Variants in ANKRD39 observed in about 807,000 individuals in gnomAD.
ANKRD39 encodes the protein ankyrin repeat domain 39, also known as ankyrin repeat domain-containing protein 39.
In ANKRD39, 18 loss-of-function variants were observed where a neutral mutation model predicts 20.3. That is an observed-to-expected ratio of 0.89 (90% CI 0.61 to 1.32). The LOEUF (loss-of-function observed/expected upper bound fraction) is 1.32, where lower values mean the gene tolerates loss of function less well. Among genes scored for constraint, ANKRD39 ranks in the 40% most tolerant of loss-of-function variants. The pLI, the probability that ANKRD39 is intolerant of heterozygous loss-of-function variation, is 0.00. For missense variants in ANKRD39, 243 were observed against 250.7 expected (o/e 0.97, Z 0.21); for synonymous variants, 106 against 111.9 (o/e 0.95, Z 0.33).
chr2:96,848,478 C>A (rs180811750), intron 3 of ANKRD39, 34 bp from the exon 4 acceptor site: 1 of 1,609,574 alleles, frequency 6.2e-7, no homozygotes, highest in South Asian at 1.1e-5. Flanking sequence ...AAAGGGCATA[C>A]CCCCCCACTG....
intron 1 of ANKRD39, 117 bp downstream of exon 1, chr2:96,857,771 C>T: frequency 1.9e-6 from 2 of 1,068,740 alleles, no homozygotes; most frequent in Non-Finnish European, 2.7e-6. Context: ...CCGCACCAGG[C>T]CCCAAGCCCC....
chr2:96,857,774 C>G, intron 1 of ANKRD39, 114 bp downstream of exon 1: 2 of 1,131,698 alleles, frequency 1.8e-6, no homozygotes, highest in African/African-American at 1.6e-5. Context: ...CACCAGGCCC[C>G]AAGCCCCAAG....
intron 3 of ANKRD39, among the ~76,000 whole-genome samples, chr2:96,850,310 G>C (rs544976295): frequency 6.2e-4 from 94 of 152,306 alleles, no homozygotes; most frequent in African/African-American, 2.1e-3. Flanking sequence ...GCAGTTGTGA[G>C]ATGCATCCCA....
chr2:96,852,524 A>C (rs1016306487), intron 3 of ANKRD39, among the ~76,000 whole-genome samples: 4 of 150,824 alleles, frequency 2.7e-5, no homozygotes, highest in African/African-American at 9.7e-5. Context: ...AAAAAAAAAA[A>C]AAAAAACCTG....
intron 1 of ANKRD39, among the ~76,000 whole-genome samples, chr2:96,855,108 G>C (rs1464717497): frequency 6.6e-6 from 1 of 152,196 alleles, no homozygotes; most frequent in Non-Finnish European, 1.5e-5. Context: ...GGGGAGTTCA[G>C]GGTGGCATGG....
Position 96,853,534 on chromosome 2 carries a change from G to A in ANKRD39, c.275C>T (p.Ala92Val), listed in dbSNP as rs541148325. The A allele has an allele frequency of 1.2e-6, 2 of 1,613,238 alleles. No homozygotes were observed. The highest frequency in any genetic ancestry group is 2.7e-5 in the African/African-American group (2 of 75,026). The change falls in exon 3 of 4, where the codon GCC becomes GTC. Residue 92 changes from alanine to valine, a missense_variant. Transcript: ENST00000393537. The part of the protein sequence containing the change: ...FLLESGAKCD[A>V]QTHGGATALH... Reference sequence around the variant, plus strand: ...AGCAGTGGCACCCCCGTGGGTCTGGGCATCACACTTAGCTCCGCTTTCCAG... The same window carrying A: ...AGCAGTGGCACCCCCGTGGGTCTGGACATCACACTTAGCTCCGCTTTCCAG...
At chr2:96,849,527 G>A (rs2079826155) in intron 3 of ANKRD39, among the ~76,000 whole-genome samples, 1 of 152,136 alleles carries the variant, frequency 6.6e-6, no homozygotes, top group African/African-American at 2.4e-5. Context: ...GCATGTGCTT[G>A]TAATCCCCGC....
intron 3 of ANKRD39, among the ~76,000 whole-genome samples, chr2:96,849,750 CA>C (rs1374555557): frequency 6.6e-6 from 1 of 152,178 alleles, no homozygotes; most frequent in Non-Finnish European, 1.5e-5. Flanking sequence ...CTTGGCCTCC[CA>C]AAGTGCTGGG....
At position 96,853,617 on chromosome 2, in the gene ANKRD39, G is replaced by T. The variant is rs747100058; in HGVS notation, c.205-13C>A. ...GGCTGGCATAGTGCTGCAGGGAACA[G>T]AGACCGAGGTCAGATGGGAGAAGCC... On this transcript the variant is annotated splice_polypyrimidine_tract_variant and intron_variant, in intron 2 of 3. Coordinates refer to ENST00000393537, the MANE Select transcript of ANKRD39 (RefSeq NM_016466.6). The T allele has an allele frequency of 3.0e-5, 49 of 1,610,596 alleles. No homozygotes were observed. Among genetic ancestry groups the T allele is most frequent in the Non-Finnish European group, 4.1e-5 (48 of 1,179,328 alleles).
chr2:96,852,211 CAAAAAT>C, intron 3 of ANKRD39, among the ~76,000 whole-genome samples: 1 of 150,868 alleles, frequency 6.6e-6, no homozygotes, highest in Middle Eastern at 3.4e-3. Context: ...GACCCTGTCT[CAAAAAT>C]AAAATAAAAT....
chr2:96,857,249 G>C (rs569404064), intron 1 of ANKRD39, among the ~76,000 whole-genome samples: 1 of 152,154 alleles, frequency 6.6e-6, no homozygotes, highest in Non-Finnish European at 1.5e-5. Flanking sequence ...GGCTGCATCC[G>C]CAAGGGCAGA....
intron 3 of ANKRD39, among the ~76,000 whole-genome samples, chr2:96,851,956 T>C (rs928560743): frequency 1.5e-4 from 23 of 152,072 alleles, no homozygotes; most frequent in Non-Finnish European, 2.8e-4. Context: ...TTTGGGAGGA[T>C]TGCTTGGGCC....
At chr2:96,851,510 C>T (rs1375895797) in intron 3 of ANKRD39, among the ~76,000 whole-genome samples, 2 of 152,064 alleles carry the variant, frequency 1.3e-5, no homozygotes, top group East Asian at 3.9e-4. Context: ...AGCCTGGTCT[C>T]GAACTCCTGG....
At chr2:96,854,752 G>A (rs1024228656) in intron 1 of ANKRD39, among the ~76,000 whole-genome samples, 6 of 152,168 alleles carry the variant, frequency 3.9e-5, no homozygotes, top group South Asian at 4.2e-4. Context: ...AATTCAGGTC[G>A]GGCTGGGATT....
Position 96,853,572 on chromosome 2 carries a change from C to G in ANKRD39, c.237G>C (p.Val79=), listed in dbSNP as rs751077884. 8.1e-6 allele frequency: 13 copies of G among 1,612,554 alleles called. No homozygotes were observed. The East Asian group carries it at 2.9e-4, about 36-fold the overall frequency. The change falls in exon 3 of 4, where the codon GTG becomes GTC. Residue 79 remains valine, a synonymous_variant. Transcript: ENST00000393537. ...HYASRNGHYA[V]CQFLLESGAK... ...CTCCGCTTTCCAGCAGGAACTGGCA[C>G]ACAGCGTAGTGCCCATTGCGGCTGG...
intron 3 of ANKRD39, among the ~76,000 whole-genome samples, chr2:96,852,263 T>C (rs1157376364): frequency 2.0e-5 from 3 of 150,586 alleles, no homozygotes. Flanking sequence ...TGCAGGCATG[T>C]ATAGTCCCAG....
intron 3 of ANKRD39, 57 bp from the exon 4 acceptor site, chr2:96,848,501 T>C: frequency 6.3e-7 from 1 of 1,594,580 alleles, no homozygotes; most frequent in Middle Eastern, 1.7e-4. Context: ...CTCTGCTCTC[T>C]CTTGTTCCAC....
In ANKRD39 at chr2:96,851,311, C is replaced by T. The variant is rs920852892; in HGVS notation, c.408+2090G>A. Reference sequence around the variant, plus strand: ...AGCTGTGATTACAGGTACGTGCTACCACGCCCGCCTAATTTTGTATTTTTA... The same window carrying T: ...AGCTGTGATTACAGGTACGTGCTACTACGCCCGCCTAATTTTGTATTTTTA... On this transcript the variant is annotated intron_variant, in intron 3 of 3. Coordinates refer to ENST00000393537, the MANE Select transcript of ANKRD39 (RefSeq NM_016466.6). Among the ~76,000 whole-genome samples the T allele has an allele frequency of 4.6e-5, 7 of 152,130 alleles. 1 individual carries two copies. The highest frequency in any genetic ancestry group is 1.7e-4 in the African/African-American group (7 of 41,428).
intron 3 of ANKRD39, among the ~76,000 whole-genome samples, chr2:96,850,824 T>C (rs1047486649): frequency 1.3e-5 from 2 of 152,266 alleles, no homozygotes; most frequent in African/African-American, 2.4e-5. Context: ...ATCCTGGCTG[T>C]TTATATCTGT....
Sources: allele counts gnomAD v4.1 joint callset (sites outside exome capture counted in the v4.1 genomes callset), GRCh38; gene constraint gnomAD v4.1.1; transcripts MANE v1.5; gene names NCBI Gene and HGNC (gene_info 2026-07-23, HGNC 2026-07-21).